The following MCTP1 variants were observed in gnomAD, a reference collection of about 807,000 sequenced individuals.
MCTP1 encodes the protein multiple C2 and transmembrane domain-containing protein 1.
Under a neutral mutation model 120.6 loss-of-function variants are expected in MCTP1, and 69 were observed. The ratio of observed to expected loss-of-function variants is 0.57; its 90% CI spans 0.47 to 0.70. MCTP1 has a LOEUF of 0.70. MCTP1 is among the 30% of genes least tolerant of loss of function. The probability of loss-of-function intolerance (pLI) is 0.00; values close to 1 mark genes in which losing one functional copy is unlikely to be tolerated. For synonymous variants in MCTP1, 529 were observed against 493.1 expected (o/e 1.07, Z -0.96); for missense variants, 1,203 against 1,248.8 (o/e 0.96, Z 0.55).
chr5:95,089,727 A>G (rs1332498080), intron 1 of MCTP1, among the ~76,000 whole-genome samples: 1 of 152,120 alleles, frequency 6.6e-6, no homozygotes, highest in Non-Finnish European at 1.5e-5. Flanking sequence ...CTCCAGTTTA[A>G]TGTAGTTCAT....
intron 2 of MCTP1, among the ~76,000 whole-genome samples, chr5:94,995,450 T>C (rs1394829157): frequency 6.6e-6 from 1 of 152,132 alleles, no homozygotes; most frequent in African/African-American, 2.4e-5. Flanking sequence ...AATGAGTAAG[T>C]CCACTTTAAA....
chr5:94,759,538 G>T (rs375729107), intron 19 of MCTP1, among the ~76,000 whole-genome samples: 4 of 152,150 alleles, frequency 2.6e-5, no homozygotes, highest in South Asian at 4.1e-4. Flanking sequence ...ATTAAAAAGG[G>T]TTACAACATC....
At chr5:95,187,757 AT>A (rs767859379) in intron 1 of MCTP1, among the ~76,000 whole-genome samples, 88 of 152,278 alleles carry the variant, frequency 5.8e-4, no homozygotes, top group Non-Finnish European at 1.1e-3. Flanking sequence ...GCAGGTGAGG[AT>A]AGTTAATGGG....
intron 2 of MCTP1, among the ~76,000 whole-genome samples, chr5:94,996,985 A>G (rs1261612645): frequency 3.3e-5 from 5 of 152,192 alleles, no homozygotes; most frequent in Admixed American, 6.6e-5. Context: ...CCTGGCTAAC[A>G]GAGGAGATGG....
intron 2 of MCTP1, among the ~76,000 whole-genome samples, chr5:94,955,553 C>T (rs1357018058): frequency 6.6e-6 from 1 of 152,146 alleles, no homozygotes; most frequent in African/African-American, 2.4e-5. Context: ...AGTCTGAAGT[C>T]GACCTGGGAG....
intron 1 of MCTP1, among the ~76,000 whole-genome samples, chr5:95,163,659 G>A (rs1745998082): frequency 6.6e-6 from 1 of 152,110 alleles, no homozygotes; most frequent in South Asian, 2.1e-4. Context: ...CATATCACTG[G>A]GAGGTTCTAC....
chr5:94,942,448 AG>A lies in MCTP1; in HGVS notation c.982-22del, dbSNP rs752715192. Reference sequence around the variant, plus strand: ...AATACCTGAGATGCCAAAGAGAAAAAGCCTTGTTATAAATATCTCCAATATA... The same window carrying A: ...AATACCTGAGATGCCAAAGAGAAAAACCTTGTTATAAATATCTCCAATATA... On this transcript the variant is annotated intron_variant, in intron 3 of 22. Transcript: ENST00000515393. The A allele has an allele frequency of 1.9e-6, 3 of 1,568,782 alleles. No individual in the cohort carries two copies. In the African/African-American group the frequency reaches 4.1e-5, roughly 21 times the overall value.
At chr5:95,146,660 C>A (rs1488232072) in intron 1 of MCTP1, among the ~76,000 whole-genome samples, 2 of 152,042 alleles carry the variant, frequency 1.3e-5, no homozygotes, top group Non-Finnish European at 2.9e-5. Context: ...TACTTCAGAG[C>A]AAGTTGTTTA....
chr5:94,708,345 AAC>A (rs1755413382), intron 22 of MCTP1, 165 bp downstream of exon 22: 4 of 491,416 alleles, frequency 8.1e-6, no homozygotes, highest in Non-Finnish European at 1.5e-5. Context: ...CTTCTTGGAT[AAC>A]ACCCCAGGTG....
intron 1 of MCTP1, among the ~76,000 whole-genome samples, chr5:95,239,328 G>T (rs1005528316): frequency 1.3e-5 from 2 of 152,060 alleles, no homozygotes; most frequent in African/African-American, 2.4e-5. Flanking sequence ...ATCATTGTCC[G>T]AGCACTCAAT....
intron 1 of MCTP1, among the ~76,000 whole-genome samples, chr5:95,203,814 T>C (rs1751330758): frequency 6.6e-6 from 1 of 152,262 alleles, no homozygotes; most frequent in East Asian, 1.9e-4. Context: ...CAGCTTTCAA[T>C]TAACATGCCT....
chr5:94,894,540 A>G, intron 11 of MCTP1, 109 bp downstream of exon 11: 1 of 797,830 alleles, frequency 1.3e-6, no homozygotes, highest in South Asian at 3.2e-5. Context: ...ACTTGTGCCA[A>G]TTCTTCCACC....
At chr5:95,217,453 A>T (rs953396129) in intron 1 of MCTP1, among the ~76,000 whole-genome samples, 17 of 152,226 alleles carry the variant, frequency 1.1e-4, no homozygotes, top group Non-Finnish European at 2.2e-4. Context: ...ATAGATAACT[A>T]TATTTCTTCG....
chr5:95,116,103 T>G (rs986679708), intron 1 of MCTP1, among the ~76,000 whole-genome samples: 2 of 151,210 alleles, frequency 1.3e-5, no homozygotes, highest in African/African-American at 4.9e-5. Flanking sequence ...CCCAGACAAA[T>G]AAAAGCTGAG....
chr5:94,816,934 T>C (rs1784579137), intron 17 of MCTP1, among the ~76,000 whole-genome samples: 1 of 152,196 alleles, frequency 6.6e-6, no homozygotes, highest in Non-Finnish European at 1.5e-5. Flanking sequence ...TTTCTTCTTC[T>C]TACTTCCTCC....
chr5:95,002,280 G>A (rs570906450), intron 2 of MCTP1, among the ~76,000 whole-genome samples: 24 of 152,326 alleles, frequency 1.6e-4, no homozygotes, highest in Non-Finnish European at 2.6e-4. Context: ...TTGGAGCCTC[G>A]ACACAGAGTC....
intron 1 of MCTP1, among the ~76,000 whole-genome samples, chr5:95,031,792 A>T (rs1159509358): frequency 1.3e-5 from 2 of 152,184 alleles, no homozygotes; most frequent in Admixed American, 6.5e-5. Flanking sequence ...AAAGACATAG[A>T]GTGGCAAACG....
intron 1 of MCTP1, among the ~76,000 whole-genome samples, chr5:95,150,544 A>G (rs1039436412): frequency 1.3e-5 from 2 of 152,254 alleles, no homozygotes; most frequent in Admixed American, 6.5e-5. Flanking sequence ...TTGGATGAGA[A>G]AAGTTAAAAT....
chr5:95,029,081 C>T (rs78147407), intron 1 of MCTP1, among the ~76,000 whole-genome samples: 11 of 149,458 alleles, frequency 7.4e-5, no homozygotes, highest in Non-Finnish European at 1.5e-4. Context: ...ATTTTGATCC[C>T]GGAGGCCGAG....
Sources: gnomAD v4.1 joint callset for allele counts (sites outside exome capture counted in the v4.1 genomes callset) on GRCh38, gnomAD v4.1.1 for gene constraint, MANE v1.5 for transcripts, NCBI Gene and HGNC (gene_info 2026-07-23, HGNC 2026-07-21) for gene names.